Variants in SORCS1 observed in about 807,000 individuals in gnomAD.
The protein encoded by SORCS1 is sortilin related VPS10 domain containing receptor 1.
A neutral mutation model predicts 146.1 loss-of-function variants in SORCS1; 60 were observed. That is an observed-to-expected ratio of 0.41 (90% CI 0.33 to 0.51). The LOEUF (loss-of-function observed/expected upper bound fraction) is 0.51. SORCS1 is among the 20% of genes least tolerant of loss of function. SORCS1 has a pLI of 0.21. For missense variants in SORCS1, 1,352 were observed against 1,487.6 expected, an observed-to-expected ratio of 0.91 and a Z score of 1.50; for synonymous variants, 637 against 584.0, an observed-to-expected ratio of 1.09 and a Z score of -1.31.
chr10:107,004,487 G>C lies in SORCS1; in HGVS notation c.559-47907C>G, dbSNP rs149865621. ...AGCAGGCAAGAGAGGTTGTGCAGGGGAACTCCCATTTATAAAACCACAAGA... is the reference window on the plus strand; with the variant it reads ...AGCAGGCAAGAGAGGTTGTGCAGGGCAACTCCCATTTATAAAACCACAAGA... On this transcript the variant is annotated intron_variant, in intron 1 of 25. Transcript: ENST00000263054. Among the ~76,000 whole-genome samples the C allele has an allele frequency of 2.8e-3, 422 of 152,218 alleles. 6 individuals carry two copies. Among genetic ancestry groups the C allele is most frequent in the African/African-American group, 9.6e-3 (397 of 41,542 alleles).
intron 4 of SORCS1, among the ~76,000 whole-genome samples, chr10:106,769,983 T>A (rs1564951246): frequency 6.6e-6 from 1 of 151,892 alleles, no homozygotes; most frequent in Non-Finnish European, 1.5e-5. Flanking sequence ...ATCCCAGCTA[T>A]GCGGGAAGCT....
In SORCS1 at chr10:107,113,461, G is replaced by C. The variant is rs1965823203; in HGVS notation, c.558+50508C>G. Among the ~76,000 whole-genome samples the C allele has an allele frequency of 2.0e-5, 3 of 152,106 alleles. 1 individual carries two copies. In the South Asian group the frequency reaches 6.2e-4, roughly 32 times the overall value. ...CCCAGCACTTTGGGAGGCTGAGGCA[G>C]ATGGATCACGAGGTCAAGAGGTCAA... is the stretch of plus-strand genomic sequence containing the variant. On this transcript the variant is annotated intron_variant, in intron 1 of 25. Transcript: ENST00000263054.
intron 2 of SORCS1, among the ~76,000 whole-genome samples, chr10:106,930,204 C>A (rs1185303608): frequency 6.6e-6 from 1 of 152,058 alleles, no homozygotes; most frequent in East Asian, 1.9e-4. Context: ...ATGGCGTGAA[C>A]CCGGGAAGCG....
At chr10:107,118,973 G>A (rs1966218341) in intron 1 of SORCS1, among the ~76,000 whole-genome samples, 1 of 152,130 alleles carries the variant, frequency 6.6e-6, no homozygotes, top group South Asian at 2.1e-4. Flanking sequence ...GGGTCCCTGA[G>A]TGATAACTAT....
Position 107,113,883 on chromosome 10 carries a change from TATAA to T in SORCS1, c.558+50082_558+50085del, listed in dbSNP as rs534435620. ...CTAAGAGTTGGTTTTTTTGAAAAGATATAAATAGACAAAGCTTTAACTAGGTTAA... is the reference window on the plus strand; with the variant it reads ...CTAAGAGTTGGTTTTTTTGAAAAGATATAGACAAAGCTTTAACTAGGTTAA... On this transcript the variant is annotated intron_variant, in intron 1 of 25. Transcript: ENST00000263054. Among the ~76,000 whole-genome samples the T allele has an allele frequency of 2.5e-3, 375 of 151,680 alleles. 1 individual carries two copies. The highest frequency in any genetic ancestry group is 4.6e-3 in the Admixed American group (70 of 15,238).
chr10:107,012,034 C>T (rs1283286321), intron 1 of SORCS1, among the ~76,000 whole-genome samples: 2 of 152,180 alleles, frequency 1.3e-5, no homozygotes, highest in African/African-American at 4.8e-5. Context: ...AGAAGCAGTT[C>T]CTCGAAGATA....
chr10:106,581,959 T>C (rs1462034454), intron 24 of SORCS1, among the ~76,000 whole-genome samples: 1 of 152,202 alleles, frequency 6.6e-6, no homozygotes, highest in Non-Finnish European at 1.5e-5. Context: ...TTTTCACTCC[T>C]AACTAAATGC....
At position 106,610,176 on chromosome 10, in the gene SORCS1, G is replaced by A. The variant is rs533692787; in HGVS notation, c.3033+1735C>T. 6.6e-5 allele frequency among the ~76,000 whole-genome samples: 10 copies of A among 152,162 alleles called. No homozygotes were observed. In the South Asian group the frequency reaches 2.1e-3, roughly 32 times the overall value. On this transcript the variant is annotated intron_variant, in intron 22 of 25. Coordinates refer to ENST00000263054, the MANE Select transcript of SORCS1 (RefSeq NM_052918.5). ...GTGGCATTGCTCAGAGGCACATGAA[G>A]ATACCCCTTCTTTACCCCAGTATTC... is the stretch of plus-strand genomic sequence containing the variant.
chr10:106,679,215 T>A, intron 12 of SORCS1, 41 bp downstream of exon 12: 1 of 1,528,552 alleles, frequency 6.5e-7, no homozygotes, highest in Non-Finnish European at 9.0e-7. Flanking sequence ...AATTTTTATG[T>A]TACTTAAACT....
chr10:106,679,722 G>T lies in SORCS1; in HGVS notation c.1573C>A (p.Leu525Ile). The change falls in exon 11 of 26, where the codon CTA becomes ATA. Residue 525 changes from leucine (L) to isoleucine (I), a missense_variant. Physicochemically the swap from Leu to Ile is conservative, Grantham distance 5 (BLOSUM62 2). Around this residue, in one of 3 missense-constraint regions of SORCS1, gnomAD observed 648 missense variants for 793.8 expected, o/e 0.82. Transcript: ENST00000263054. ...TCAGAGACCTTCAGGTGAAGGTGTAGTGAGCAATAGGGCTGAAAAGAGAAA... is the reference window on the plus strand; with the variant it reads ...TCAGAGACCTTCAGGTGAAGGTGTATTGAGCAATAGGGCTGAAAAGAGAAA... ...PVHCLLPYCS[L>I]HLHLKVSENP... The T allele has an allele frequency of 6.2e-7, 1 of 1,610,052 alleles. No homozygotes were observed. Among genetic ancestry groups the T allele is most frequent in the Non-Finnish European group, 8.5e-7 (1 of 1,177,682 alleles).
intron 1 of SORCS1, among the ~76,000 whole-genome samples, chr10:106,989,773 A>C (rs1428262140): frequency 1.5e-5 from 2 of 131,646 alleles, no homozygotes; most frequent in African/African-American, 3.1e-5. Context: ...TGCAAGCTCC[A>C]CCTCCCAGCT....
intron 1 of SORCS1, among the ~76,000 whole-genome samples, chr10:107,124,345 GTATT>G (rs1565075313): frequency 6.6e-6 from 1 of 152,134 alleles, no homozygotes; most frequent in African/African-American, 2.4e-5. Flanking sequence ...CATCTGAAAT[GTATT>G]TAAGTCTTGT....
chr10:106,911,599 C>T (rs1952157878), intron 2 of SORCS1, among the ~76,000 whole-genome samples: 1 of 152,150 alleles, frequency 6.6e-6, no homozygotes, highest in Admixed American at 6.5e-5. Context: ...TAAATACTGT[C>T]AGCACCTGCA....
chr10:106,811,662 T>C (rs530032466), intron 3 of SORCS1, among the ~76,000 whole-genome samples: 2 of 152,310 alleles, frequency 1.3e-5, no homozygotes, highest in African/African-American at 4.8e-5. Flanking sequence ...TCATTTATAT[T>C]GGGAAAAGCA....
intron 4 of SORCS1, among the ~76,000 whole-genome samples, chr10:106,762,677 G>A (rs527652425): frequency 2.0e-5 from 3 of 152,142 alleles, no homozygotes; most frequent in Non-Finnish European, 4.4e-5. Context: ...GATTACAGGC[G>A]TGAGCCACCG....
At chr10:106,869,661 T>C (rs1950336997) in intron 2 of SORCS1, among the ~76,000 whole-genome samples, 1 of 152,180 alleles carries the variant, frequency 6.6e-6, no homozygotes, top group African/African-American at 2.4e-5. Context: ...TTAAAAACTC[T>C]CAATAAACTA....
At chr10:106,945,896 T>G (rs1399414344) in intron 2 of SORCS1, among the ~76,000 whole-genome samples, 21 of 152,212 alleles carry the variant, frequency 1.4e-4, no homozygotes, top group Admixed American at 1.4e-3. Context: ...GATGAATACA[T>G]GCAGATCCTT....
At chr10:106,961,762 C>G (rs937506341) in intron 1 of SORCS1, among the ~76,000 whole-genome samples, 1 of 152,164 alleles carries the variant, frequency 6.6e-6, no homozygotes, top group African/African-American at 2.4e-5. Flanking sequence ...AGTTACCACT[C>G]CTTTTCTAGA....
At chr10:106,622,289 GAAAAAAAAA>G (rs554464573) in intron 19 of SORCS1, among the ~76,000 whole-genome samples, 4 of 39,040 alleles carry the variant, frequency 1.0e-4, no homozygotes, top group East Asian at 8.1e-4. Context: ...ATTCCATCTC[GAAAAAAAAA>G]AAAAAAAAAA....
Sources: gnomAD v4.1 joint callset for allele counts (sites outside exome capture counted in the v4.1 genomes callset) on GRCh38, gnomAD v4.1.1 for gene constraint, gnomAD v4.1.1 regional missense constraint, MANE v1.5 for transcripts, NCBI Gene and HGNC (gene_info 2026-07-23, HGNC 2026-07-21) for gene names.